The following HSD17B4 variants were observed in gnomAD, a reference collection of about 807,000 sequenced individuals.
The protein encoded by HSD17B4 is peroxisomal multifunctional enzyme type 2.
HSD17B4 carries 70 observed loss-of-function variants against 101.0 expected under a neutral mutation model. That is an observed-to-expected ratio of 0.69 (90% CI 0.57 to 0.85). HSD17B4 has a LOEUF of 0.85. Ranked by LOEUF, HSD17B4 falls within the 40% of genes least tolerant of loss-of-function variation. The pLI, the probability that HSD17B4 is intolerant of heterozygous loss-of-function variation, is 0.00. For synonymous variants in HSD17B4, 347 were observed against 297.1 expected, an observed-to-expected ratio of 1.17 and a Z score of -1.73; for missense variants, 984 against 892.4, an observed-to-expected ratio of 1.10 and a Z score of -1.31.
chr5:119,511,814 C>G (rs929763421), intron 16 of HSD17B4, among the ~76,000 whole-genome samples: 1 of 152,142 alleles, frequency 6.6e-6, no homozygotes, highest in Non-Finnish European at 1.5e-5. Context: ...TTGTTATAAT[C>G]TATTATCTGA....
chr5:119,513,371 A>G (rs1398512448), intron 16 of HSD17B4, among the ~76,000 whole-genome samples: 1 of 151,962 alleles, frequency 6.6e-6, no homozygotes, highest in Non-Finnish European at 1.5e-5. Flanking sequence ...TTTTAACTGT[A>G]TGTTCTTTTT....
At chr5:119,466,427 C>T (rs138813304) in intron 2 of HSD17B4, among the ~76,000 whole-genome samples, 2,086 of 152,214 alleles carry the variant, frequency 0.014, 50 homozygotes, top group African/African-American at 0.048. Context: ...AGCAGTGAAG[C>T]TGTCTGTTAC....
In HSD17B4 at chr5:119,494,149, T is replaced by C. The variant is rs144312231; in HGVS notation, c.868+203T>C. ...TCTCACTGTCAGTTTTTCAGCTTTA[T>C]TATAATCCTGTTTTTTGGGTTTATG... On this transcript the variant is annotated intron_variant, in intron 11 of 23. Coordinates refer to ENST00000510025, the MANE Select transcript of HSD17B4 (RefSeq NM_000414.4). Among the ~76,000 whole-genome samples the C allele has an allele frequency of 3.5e-3, 538 of 152,328 alleles. 3 individuals are homozygous for C. Among genetic ancestry groups the C allele is most frequent in the African/African-American group, 0.012 (498 of 41,586 alleles).
intron 2 of HSD17B4, among the ~76,000 whole-genome samples, chr5:119,461,721 C>CAA (rs545291977): frequency 0.02 from 1,503 of 74,842 alleles, 36 homozygotes; most frequent in African/African-American, 0.074. Context: ...CTGTCTTTGC[C>CAA]AAAAAAAAAA....
At chr5:119,480,934 G>T (rs976354116) in intron 8 of HSD17B4, among the ~76,000 whole-genome samples, 1 of 152,158 alleles carries the variant, frequency 6.6e-6, no homozygotes, top group Admixed American at 6.5e-5. Flanking sequence ...TGTTCTGCTC[G>T]GCTCACCAGC....
Position 119,541,944 on chromosome 5 carries a change from A to G in HSD17B4, c.2161A>G (p.Met721Val), listed in dbSNP as rs1479114791. Residue 721 changes from methionine to valine, a missense_variant, in exon 24 of 24, where the codon ATG becomes GTG. By Grantham distance (21) the Met-to-Val change is conservative. Coordinates refer to ENST00000510025, the MANE Select transcript of HSD17B4 (RefSeq NM_000414.4). ...SGRLKARGNI[M>V]LSQKLQMILK... ...CAGGCTGAAGGCCAGAGGGAACATC[A>G]TGCTGAGCCAGAAACTTCAGATGAT... 2 of 1,613,328 alleles carry G rather than the reference A, an allele frequency of 1.2e-6. No individual in the cohort carries two copies. Among genetic ancestry groups the G allele is most frequent in the South Asian group, 1.1e-5 (1 of 91,060 alleles).
chr5:119,455,119 A>T (rs1246858638), intron 1 of HSD17B4, among the ~76,000 whole-genome samples: 1 of 152,234 alleles, frequency 6.6e-6, no homozygotes, highest in Non-Finnish European at 1.5e-5. Context: ...TCCAGAAGTA[A>T]GCCTTCCACC....
intron 8 of HSD17B4, chr5:119,487,167 A>T (rs2126732615): frequency 6.6e-6 from 1 of 151,612 alleles, no homozygotes; most frequent in Non-Finnish European, 1.5e-5. Flanking sequence ...CCTAGGTATC[A>T]GTATTGTTAT....
chr5:119,505,120 T>C (rs148373972), intron 14 of HSD17B4, among the ~76,000 whole-genome samples: 1,767 of 152,256 alleles, frequency 0.012, 39 homozygotes, highest in African/African-American at 0.041. Flanking sequence ...CTTGTACCAG[T>C]GCCATGCTGT....
chr5:119,496,864 G>C (rs1352028637), intron 12 of HSD17B4, among the ~76,000 whole-genome samples: 1 of 152,204 alleles, frequency 6.6e-6, no homozygotes, highest in Non-Finnish European at 1.5e-5. Flanking sequence ...CATACAGCCT[G>C]ATTTCAACAT....
intron 8 of HSD17B4, among the ~76,000 whole-genome samples, chr5:119,486,728 T>C (rs1749643171): frequency 6.6e-6 from 1 of 152,202 alleles, no homozygotes; most frequent in South Asian, 2.1e-4. Flanking sequence ...TTTATTCTTG[T>C]ACATGTGTTC....
intron 8 of HSD17B4, among the ~76,000 whole-genome samples, chr5:119,483,318 A>C (rs1749319426): frequency 6.6e-6 from 1 of 152,232 alleles, no homozygotes; most frequent in Non-Finnish European, 1.5e-5. Context: ...CTGTGTCTCC[A>C]GTTTTCCTGA....
At chr5:119,517,246 C>T (rs1344499810) in intron 17 of HSD17B4, among the ~76,000 whole-genome samples, 3 of 152,212 alleles carry the variant, frequency 2.0e-5, no homozygotes, top group Non-Finnish European at 2.9e-5. Context: ...GCTTAGCACC[C>T]AGGCCAGCGG....
At chr5:119,476,716 G>A (rs933228962) in intron 6 of HSD17B4, 7 of 985,110 alleles carry the variant, frequency 7.1e-6, no homozygotes, top group South Asian at 9.4e-5. Context: ...GTGCTGCAAC[G>A]GGACTGAGGT....
chr5:119,463,242 T>C (rs1755442369), intron 2 of HSD17B4, among the ~76,000 whole-genome samples: 1 of 152,250 alleles, frequency 6.6e-6, no homozygotes, highest in Admixed American at 6.5e-5. Flanking sequence ...ACATTTTCTT[T>C]ATCCATGCAT....
At chr5:119,468,809 C>CT (rs797011282) in intron 2 of HSD17B4, among the ~76,000 whole-genome samples, 2,205 of 142,026 alleles carry the variant, frequency 0.016, 53 homozygotes, top group African/African-American at 0.052. Context: ...TTTCTCTTTC[C>CT]TTTTTTTTTT....
chr5:119,521,443 A>G (rs73250002), intron 17 of HSD17B4, among the ~76,000 whole-genome samples: 4,309 of 151,866 alleles, frequency 0.028, 193 homozygotes, highest in African/African-American at 0.096. Flanking sequence ...TATAGTATTA[A>G]AATTTTAAAT....
At chr5:119,517,053 TG>T in intron 17 of HSD17B4, among the ~76,000 whole-genome samples, 1 of 152,290 alleles carries the variant, frequency 6.6e-6, no homozygotes, top group East Asian at 1.9e-4. Flanking sequence ...AGCCCCTTTC[TG>T]GGCTGGCCAA....
At chr5:119,525,496 T>C (rs778026793) in intron 18 of HSD17B4, among the ~76,000 whole-genome samples, 1 of 152,066 alleles carries the variant, frequency 6.6e-6, no homozygotes, top group Non-Finnish European at 1.5e-5. Flanking sequence ...TGGAGGGAAG[T>C]TCCCGCTAGT....
Sources: gnomAD v4.1 joint callset for allele counts (sites outside exome capture counted in the v4.1 genomes callset) on GRCh38, gnomAD v4.1.1 for gene constraint, MANE v1.5 for transcripts, NCBI Gene and HGNC (gene_info 2026-07-23, HGNC 2026-07-21) for gene names.